Variants in GALNT13 observed in about 807,000 individuals in gnomAD.
GALNT13 encodes polypeptide N-acetylgalactosaminyltransferase 13.
Under a neutral mutation model 64.2 loss-of-function variants are expected in GALNT13, and 28 were observed. The ratio of observed to expected loss-of-function variants is 0.44; its 90% CI spans 0.32 to 0.60. The LOEUF is 0.60. GALNT13 is among the 20% of genes least tolerant of loss of function. The probability of loss-of-function intolerance (pLI) is 0.05; values close to 1 mark genes in which losing one functional copy is unlikely to be tolerated. For synonymous variants in GALNT13, 214 were observed against 224.6 expected (o/e 0.95, Z 0.42); for missense variants, 577 against 669.8 (o/e 0.86, Z 1.53).
the GALNT13 span, among the ~76,000 whole-genome samples, chr2:153,146,950 T>G: frequency 6.6e-6 from 1 of 151,858 alleles, no homozygotes; most frequent in Admixed American, 6.6e-5. Flanking sequence ...CTCTCCTTTC[T>G]TATTTATATT....
At chr2:153,421,777 C>T in the GALNT13 span, 1 of 204,454 alleles carries the variant, frequency 4.9e-6, no homozygotes, top group Non-Finnish European at 1.1e-5. Flanking sequence ...AAACACTGCC[C>T]TGGACACAAA....
At chr2:154,384,643 G>A (rs1156252146) in intron 9 of GALNT13, among the ~76,000 whole-genome samples, 6 of 151,682 alleles carry the variant, frequency 4.0e-5, no homozygotes, top group Non-Finnish European at 8.9e-5. Context: ...ATAAGCAAAG[G>A]AATTGATCAA....
intron 3 of GALNT13, among the ~76,000 whole-genome samples, chr2:154,104,096 A>T (rs1444397975): frequency 2.6e-5 from 4 of 151,896 alleles, no homozygotes; most frequent in Non-Finnish European, 5.9e-5. Context: ...GCAGACGGAC[A>T]CATGATCCAC....
chr2:154,357,782 G>A (rs1248899629), intron 9 of GALNT13, among the ~76,000 whole-genome samples: 1 of 152,052 alleles, frequency 6.6e-6, no homozygotes, highest in African/African-American at 2.4e-5. Flanking sequence ...GATGGCAGAT[G>A]TAGATAACAT....
chr2:153,367,239 T>G, the GALNT13 span, among the ~76,000 whole-genome samples: 1 of 152,246 alleles, frequency 6.6e-6, no homozygotes, highest in South Asian at 2.1e-4. Flanking sequence ...TTATATCATA[T>G]ATAAAAGTAA....
intron 8 of GALNT13, among the ~76,000 whole-genome samples, chr2:154,294,490 A>G (rs1574035513): frequency 6.6e-6 from 1 of 152,322 alleles, no homozygotes; most frequent in East Asian, 1.9e-4. Context: ...GATGTAGGGG[A>G]AAACAAAACA....
chr2:154,178,533 T>C (rs1170954497), intron 4 of GALNT13, among the ~76,000 whole-genome samples: 1 of 152,148 alleles, frequency 6.6e-6, no homozygotes, highest in African/African-American at 2.4e-5. Context: ...AACCTGCACG[T>C]TGTGCACATG....
chr2:154,396,565 C>T (rs917807749), intron 10 of GALNT13, among the ~76,000 whole-genome samples: 8 of 151,972 alleles, frequency 5.3e-5, no homozygotes, highest in African/African-American at 1.9e-4. Context: ...TATATTTTTT[C>T]CAAGCAAAAT....
the GALNT13 span, among the ~76,000 whole-genome samples, chr2:153,830,346 G>C: frequency 2.6e-5 from 4 of 151,874 alleles, no homozygotes; most frequent in South Asian, 2.1e-4. Flanking sequence ...CTGTACATTT[G>C]TTCATTTTCT....
At chr2:154,074,800 T>C (rs1018168657) in intron 3 of GALNT13, among the ~76,000 whole-genome samples, 3 of 151,774 alleles carry the variant, frequency 2.0e-5, no homozygotes, top group African/African-American at 4.8e-5. Context: ...AATCAATAAA[T>C]GTAATTCACC....
the GALNT13 span, among the ~76,000 whole-genome samples, chr2:153,451,705 C>A: frequency 1.3e-5 from 2 of 152,160 alleles, no homozygotes; most frequent in Non-Finnish European, 2.9e-5. Flanking sequence ...GAGGAAATTT[C>A]ATTTTCGATA....
intron 3 of GALNT13, among the ~76,000 whole-genome samples, chr2:154,105,304 G>A (rs542283920): frequency 6.6e-6 from 1 of 152,212 alleles, no homozygotes; most frequent in Admixed American, 6.5e-5. Flanking sequence ...AAATAGTCAT[G>A]TACCACATAA....
chr2:154,248,932 T>C (rs937748823), intron 7 of GALNT13, among the ~76,000 whole-genome samples: 104 of 152,300 alleles, frequency 6.8e-4, no homozygotes, highest in Non-Finnish European at 1.2e-4. Flanking sequence ...TAATTATCTT[T>C]ATCTGGCTAT....
At chr2:153,850,740 T>G in the GALNT13 span, among the ~76,000 whole-genome samples, 1 of 152,132 alleles carries the variant, frequency 6.6e-6, no homozygotes, top group African/African-American at 2.4e-5. Context: ...AGATGGAAGC[T>G]AAAAGTTCTG....
At chr2:153,879,548 T>C (rs1192650270) in intron 1 of GALNT13, among the ~76,000 whole-genome samples, 1 of 151,994 alleles carries the variant, frequency 6.6e-6, no homozygotes, top group African/African-American at 2.4e-5. Context: ...ATTTTTTTTT[T>C]TTTTGGTAGA....
chr2:153,308,490 G>A, the GALNT13 span, among the ~76,000 whole-genome samples: 1 of 152,086 alleles, frequency 6.6e-6, no homozygotes, highest in Non-Finnish European at 1.5e-5. Context: ...AATTTTCTCA[G>A]ATCAGGGAAA....
At chr2:154,264,608 G>A (rs924643063) in intron 8 of GALNT13, among the ~76,000 whole-genome samples, 35 of 151,948 alleles carry the variant, frequency 2.3e-4, no homozygotes, top group Non-Finnish European at 4.4e-5. Flanking sequence ...CTGCACTCCC[G>A]TCTGGACAAC....
intron 3 of GALNT13, among the ~76,000 whole-genome samples, chr2:154,025,735 T>G (rs1251898700): frequency 6.6e-6 from 1 of 152,208 alleles, no homozygotes; most frequent in Non-Finnish European, 1.5e-5. Context: ...CAGGAAGATG[T>G]GTGTCTTGAG....
chr2:153,629,658 A>C, the GALNT13 span, among the ~76,000 whole-genome samples: 1 of 152,120 alleles, frequency 6.6e-6, no homozygotes, highest in South Asian at 2.1e-4. Flanking sequence ...GGATCTAATT[A>C]AACTAAAGAG....
Sources: gnomAD v4.1 joint callset for allele counts (sites outside exome capture counted in the v4.1 genomes callset) on GRCh38, gnomAD v4.1.1 for gene constraint, MANE v1.5 for transcripts, NCBI Gene and HGNC (gene_info 2026-07-23, HGNC 2026-07-21) for gene names.